The following SEL1L3 variants were observed in gnomAD, a reference collection of about 807,000 sequenced individuals.
SEL1L3 encodes protein sel-1 homolog 3.
Under a neutral mutation model 142.8 loss-of-function variants are expected in SEL1L3, and 76 were observed. The ratio of observed to expected loss-of-function variants is 0.53; its 90% CI spans 0.44 to 0.64. SEL1L3 has a LOEUF of 0.64. Among genes scored for constraint, SEL1L3 ranks in the 30% least tolerant of loss-of-function variants. The probability of loss-of-function intolerance (pLI) is 0.00; values close to 1 mark genes in which losing one functional copy is unlikely to be tolerated. For synonymous variants in SEL1L3, 504 were observed against 519.6 expected, an observed-to-expected ratio of 0.97 and a Z score of 0.41; for missense variants, 1,262 against 1,381.7, an observed-to-expected ratio of 0.91 and a Z score of 1.37.
intron 1 of SEL1L3, among the ~76,000 whole-genome samples, chr4:25,855,624 G>C (rs759352336): frequency 6.6e-6 from 1 of 152,170 alleles, no homozygotes; most frequent in Admixed American, 6.5e-5. Flanking sequence ...AGCCAGGTGT[G>C]GTGGCGGGCA....
intron 2 of SEL1L3, 32 bp from the exon 3 acceptor site, chr4:25,835,355 A>T: frequency 6.2e-7 from 1 of 1,609,146 alleles, no homozygotes; most frequent in Non-Finnish European, 8.5e-7. Flanking sequence ...CCTTTCAATT[A>T]TATCCAGAAA....
intron 20 of SEL1L3, among the ~76,000 whole-genome samples, chr4:25,761,532 A>C (rs1004866611): frequency 6.6e-6 from 1 of 152,202 alleles, no homozygotes; most frequent in Non-Finnish European, 1.5e-5. Flanking sequence ...AGAGTAGGGG[A>C]ATAGTCGTAT....
chr4:25,790,999 G>A (rs1712296290), intron 11 of SEL1L3, among the ~76,000 whole-genome samples: 1 of 152,184 alleles, frequency 6.6e-6, no homozygotes, highest in African/African-American at 2.4e-5. Flanking sequence ...TATCTAAACG[G>A]TTGTTTGTTC....
intron 17 of SEL1L3, among the ~76,000 whole-genome samples, chr4:25,771,952 T>C (rs1719248196): frequency 6.6e-6 from 1 of 152,176 alleles, no homozygotes; most frequent in Non-Finnish European, 1.5e-5. Context: ...ATATAAATCT[T>C]GGAACAACAT....
chr4:25,749,313 A>G (rs1323458792), intron 23 of SEL1L3, among the ~76,000 whole-genome samples: 1 of 152,170 alleles, frequency 6.6e-6, no homozygotes, highest in Non-Finnish European at 1.5e-5. Flanking sequence ...TTTCAAGCTC[A>G]GGGAAATGTT....
chr4:25,820,035 T>A, intron 7 of SEL1L3, 95 bp from the exon 8 acceptor site: 1 of 1,223,184 alleles, frequency 8.2e-7, no homozygotes, highest in South Asian at 1.3e-5. Context: ...TGTTCTCCCA[T>A]TGACATCTCC....
chr4:25,789,108 C>T (rs1468386985), intron 12 of SEL1L3, among the ~76,000 whole-genome samples: 9 of 152,164 alleles, frequency 5.9e-5, no homozygotes, highest in South Asian at 4.1e-4. Flanking sequence ...TGCCCAGGAA[C>T]GTGGCCAGAG....
At chr4:25,804,889 T>C (rs1713449637) in intron 9 of SEL1L3, 137 bp from the exon 10 acceptor site, 1 of 660,846 alleles carries the variant, frequency 1.5e-6, no homozygotes, top group African/African-American at 1.8e-5. Context: ...ATATACCACC[T>C]TCCAGGGAGG....
rs564405996 is a variant in SEL1L3, at chr4:25,774,800, G to C, written c.2669+1477C>G. ...GCGGAGGCTGCAGTGAGCCAAGATC[G>C]TGCCACTGCACCCTAGCCTGGGTGA... On this transcript the variant is annotated intron_variant, in intron 17 of 23. Transcript: ENST00000399878. Among the ~76,000 whole-genome samples the C allele has an allele frequency of 9.8e-5, 15 of 152,338 alleles. 1 individual carries two copies. In the South Asian group the frequency reaches 3.1e-3, roughly 32 times the overall value.
At chr4:25,851,750 G>A (rs190586900) in intron 1 of SEL1L3, among the ~76,000 whole-genome samples, 76 of 152,008 alleles carry the variant, frequency 5.0e-4, no homozygotes, top group Middle Eastern at 3.4e-3. Flanking sequence ...TTAACCGGGC[G>A]TGGTGGCACA....
rs148221477 is a variant in SEL1L3, at chr4:25,771,937, A to G, written c.2670-4107T>C. Among the ~76,000 whole-genome samples, 4 of 152,332 alleles carry G rather than the reference A, an allele frequency of 2.6e-5. No individual in the cohort carries two copies. In the East Asian group the frequency reaches 7.7e-4, roughly 29 times the overall value. On this transcript the variant is annotated intron_variant, in intron 17 of 23. Transcript: ENST00000399878. ...CTTAATCATGCTCCTCTTTTAAACT[A>G]TCCCATATAAATCTTGGAACAACAT...
chr4:25,739,075 G>A, the SEL1L3 span, among the ~76,000 whole-genome samples: 1 of 151,938 alleles, frequency 6.6e-6, no homozygotes, highest in Non-Finnish European at 1.5e-5. Context: ...AGGCATGGTG[G>A]GGGCACACCT....
the SEL1L3 span, among the ~76,000 whole-genome samples, chr4:25,724,896 T>C: frequency 6.6e-6 from 1 of 152,078 alleles, no homozygotes; most frequent in East Asian, 1.9e-4. Context: ...CACAGCTCCC[T>C]AGGGTCAATA....
the SEL1L3 span, among the ~76,000 whole-genome samples, chr4:25,726,542 A>C: frequency 2.6e-5 from 4 of 151,616 alleles, no homozygotes; most frequent in Non-Finnish European, 4.4e-5. Flanking sequence ...AAAAAAAAAA[A>C]AAACCCAAAA....
At chr4:25,780,589 C>T (rs933152779) in intron 15 of SEL1L3, among the ~76,000 whole-genome samples, 1 of 151,826 alleles carries the variant, frequency 6.6e-6, no homozygotes, top group African/African-American at 2.4e-5. Context: ...GAATGTTCTC[C>T]TAGATATCTG....
intron 20 of SEL1L3, chr4:25,759,763 A>G (rs1718249228): frequency 1.3e-5 from 2 of 152,340 alleles, no homozygotes; most frequent in African/African-American, 2.4e-5. Context: ...GATGGGTACT[A>G]TTACACTGCC....
At chr4:25,732,045 G>T in the SEL1L3 span, among the ~76,000 whole-genome samples, 25 of 152,134 alleles carry the variant, frequency 1.6e-4, no homozygotes, top group African/African-American at 5.8e-4. Flanking sequence ...CTGCACTCCA[G>T]CCTGGGCAAC....
At chr4:25,758,721 C>G (rs1254554170) in intron 21 of SEL1L3, among the ~76,000 whole-genome samples, 1 of 150,788 alleles carries the variant, frequency 6.6e-6, no homozygotes, top group Non-Finnish European at 1.5e-5. Flanking sequence ...GCCAGGTTGG[C>G]CAGGCTGGTC....
At chr4:25,841,781 GA>G (rs1432967374) in intron 2 of SEL1L3, among the ~76,000 whole-genome samples, 2 of 152,122 alleles carry the variant, frequency 1.3e-5, no homozygotes, top group Admixed American at 6.5e-5. Flanking sequence ...CCAACATAGC[GA>G]AACACCATCT....
Sources: allele counts gnomAD v4.1 joint callset (sites outside exome capture counted in the v4.1 genomes callset), GRCh38; gene constraint gnomAD v4.1.1; transcripts MANE v1.5; gene names NCBI Gene and HGNC (gene_info 2026-07-23, HGNC 2026-07-21).